The following EPB41L3 variants were observed in gnomAD, a reference collection of about 807,000 sequenced individuals.
The protein encoded by EPB41L3 is band 4.1-like protein 3.
EPB41L3 carries 57 observed loss-of-function variants against 127.1 expected under a neutral mutation model. The observed-to-expected ratio is 0.45, with a 90% CI of 0.36 to 0.56. EPB41L3 has a LOEUF of 0.56. Ranked by LOEUF, EPB41L3 falls within the 20% of genes least tolerant of loss-of-function variation. The pLI, the probability that EPB41L3 is intolerant of heterozygous loss-of-function variation, is 0.00. For synonymous variants in EPB41L3, 572 were observed against 549.5 expected (o/e 1.04, Z -0.57); for missense variants, 1,273 against 1,372.2 (o/e 0.93, Z 1.14).
upstream of EPB41L3, among the ~76,000 whole-genome samples, chr18:5,547,174 T>G (rs933746588): frequency 3.9e-5 from 6 of 152,238 alleles, no homozygotes; most frequent in African/African-American, 1.2e-4. Context: ...GATACAATTA[T>G]GATTGAATTT....
At chr18:5,413,877 G>T (rs992344568) in intron 13 of EPB41L3, among the ~76,000 whole-genome samples, 2 of 152,170 alleles carry the variant, frequency 1.3e-5, no homozygotes, top group African/African-American at 2.4e-5. Flanking sequence ...TCACACGTTC[G>T]CTAGCTTGTA....
At chr18:5,600,295 C>T (rs1419310980) in intron 3 of EPB41L3, among the ~76,000 whole-genome samples, 1 of 152,060 alleles carries the variant, frequency 6.6e-6, no homozygotes, top group Non-Finnish European at 1.5e-5. Context: ...TCACCACAGG[C>T]AAAGGTAATG....
intron 3 of EPB41L3, among the ~76,000 whole-genome samples, chr18:5,572,565 T>C (rs2094293973): frequency 6.6e-6 from 1 of 152,116 alleles, no homozygotes; most frequent in Non-Finnish European, 1.5e-5. Context: ...TCTGTTTTTG[T>C]TGTTTTGGTT....
chr18:5,400,364 TG>T (rs2074302847), intron 16 of EPB41L3: 1 of 353,320 alleles, frequency 2.8e-6, no homozygotes, highest in East Asian at 7.7e-5. Context: ...TAAACTAGAA[TG>T]TTTTCTAGAA....
chr18:5,599,079 TATGGAACAGA>T (rs2094564089), intron 3 of EPB41L3, among the ~76,000 whole-genome samples: 1 of 152,218 alleles, frequency 6.6e-6, no homozygotes, highest in African/African-American at 2.4e-5. Flanking sequence ...AAACATGTAT[TATGGAACAGA>T]GATCTGAGTT....
intron 1 of EPB41L3, among the ~76,000 whole-genome samples, chr18:5,499,044 G>A (rs528942802): frequency 2.6e-5 from 4 of 152,280 alleles, no homozygotes; most frequent in South Asian, 2.1e-4. Context: ...ATGTGTGATG[G>A]TGTGATTACT....
intron 3 of EPB41L3, among the ~76,000 whole-genome samples, chr18:5,564,841 T>C (rs1371450168): frequency 6.6e-6 from 1 of 151,990 alleles, no homozygotes; most frequent in Non-Finnish European, 1.5e-5. Flanking sequence ...GGCTTGTGTA[T>C]TGAGTGGGTT....
intron 1 of EPB41L3, among the ~76,000 whole-genome samples, chr18:5,614,877 A>C (rs1272506593): frequency 2.0e-5 from 3 of 152,250 alleles, no homozygotes; most frequent in Non-Finnish European, 4.4e-5. Flanking sequence ...ATAATTATAC[A>C]TTAGTAAAAT....
intron 3 of EPB41L3, 81 bp from the exon 4 acceptor site, chr18:5,445,325 A>G (rs2081319852): frequency 1.9e-6 from 2 of 1,080,142 alleles, no homozygotes; most frequent in South Asian, 1.4e-5. Context: ...ACCAGGTAAT[A>G]TTTAAAACAT....
intron 3 of EPB41L3, among the ~76,000 whole-genome samples, chr18:5,449,358 C>G (rs986575165): frequency 1.3e-5 from 2 of 152,172 alleles, no homozygotes; most frequent in Non-Finnish European, 2.9e-5. Flanking sequence ...TGTGGAGCAA[C>G]AGAAACTCTT....
intron 3 of EPB41L3, among the ~76,000 whole-genome samples, chr18:5,464,888 C>T (rs1475105929): frequency 6.6e-6 from 1 of 152,178 alleles, no homozygotes; most frequent in Non-Finnish European, 1.5e-5. Flanking sequence ...CAGATCCTTT[C>T]TTTAATAGAC....
chr18:5,461,317 C>A (rs1308080580), intron 3 of EPB41L3, among the ~76,000 whole-genome samples: 1 of 152,132 alleles, frequency 6.6e-6, no homozygotes, highest in African/African-American at 2.4e-5. Context: ...AACACCATAA[C>A]AAGAACCAAT....
chr18:5,416,718 GAGCAAACATA>G (rs2076871389), intron 12 of EPB41L3, among the ~76,000 whole-genome samples: 2 of 152,188 alleles, frequency 1.3e-5, no homozygotes, highest in East Asian at 3.9e-4. Flanking sequence ...AGGTTTTGGG[GAGCAAACATA>G]AGTAAATCTG....
At chr18:5,399,707 T>G in intron 16 of EPB41L3, 1 of 196,318 alleles carries the variant, frequency 5.1e-6, no homozygotes, top group Non-Finnish European at 1.0e-5. Flanking sequence ...TTAAATAACA[T>G]TATTGATGTT....
At chr18:5,553,063 A>T (rs954589839) in intron 3 of EPB41L3, among the ~76,000 whole-genome samples, 2 of 152,258 alleles carry the variant, frequency 1.3e-5, no homozygotes, top group African/African-American at 4.8e-5. Context: ...AAACAGAGTT[A>T]AGAAAAGACT....
chr18:5,400,921 G>T, intron 16 of EPB41L3: 1 of 1,211,176 alleles, frequency 8.3e-7, no homozygotes, highest in Non-Finnish European at 1.2e-6. Flanking sequence ...TGACACTGAA[G>T]TCTGAAGACC....
intron 3 of EPB41L3, among the ~76,000 whole-genome samples, chr18:5,446,755 G>A (rs952752627): frequency 2.6e-5 from 4 of 152,114 alleles, no homozygotes; most frequent in African/African-American, 9.7e-5. Flanking sequence ...AATCGATGAT[G>A]TATTTGGAAA....
intron 3 of EPB41L3, among the ~76,000 whole-genome samples, chr18:5,605,728 T>C (rs931193956): frequency 6.6e-6 from 1 of 152,148 alleles, no homozygotes; most frequent in African/African-American, 2.4e-5. Context: ...TCCAACCTCT[T>C]TCTGATTTTA....
chr18:5,415,177 G>A (rs893457558), intron 13 of EPB41L3, among the ~76,000 whole-genome samples: 1 of 152,208 alleles, frequency 6.6e-6, no homozygotes, highest in Admixed American at 6.5e-5. Flanking sequence ...CGTTGCTTCT[G>A]GGCTTGTTTC....
Sources: allele counts gnomAD v4.1 joint callset (sites outside exome capture counted in the v4.1 genomes callset), GRCh38; gene constraint gnomAD v4.1.1; transcripts MANE v1.5; gene names NCBI Gene and HGNC (gene_info 2026-07-23, HGNC 2026-07-21).